CNTN4: variants seen among roughly 807,000 people sequenced by gnomAD.
CNTN4 encodes contactin-4.
Under a neutral mutation model 122.5 loss-of-function variants are expected in CNTN4, and 77 were observed. The ratio of observed to expected loss-of-function variants is 0.63; its 90% CI spans 0.52 to 0.76. The LOEUF (loss-of-function observed/expected upper bound fraction) is 0.76, where lower values mean the gene tolerates loss of function less well. Among genes scored for constraint, CNTN4 ranks in the 30% least tolerant of loss-of-function variants. The probability of loss-of-function intolerance (pLI) is 0.00; values close to 1 mark genes in which losing one functional copy is unlikely to be tolerated. For missense variants in CNTN4, 1,256 were observed against 1,259.1 expected, an observed-to-expected ratio of 1.00 and a Z score of 0.04; for synonymous variants, 512 against 447.0, an observed-to-expected ratio of 1.15 and a Z score of -1.83.
intron 3 of CNTN4, among the ~76,000 whole-genome samples, chr3:2,363,918 A>G (rs1358904300): frequency 6.6e-6 from 1 of 152,222 alleles, no homozygotes; most frequent in East Asian, 1.9e-4. Flanking sequence ...ATTTCCTACA[A>G]ATAGAAAATA....
rs561580877 is a variant in CNTN4, at chr3:2,649,818, C to T, written c.55+78260C>T. 2.0e-5 allele frequency among the ~76,000 whole-genome samples: 3 copies of T among 151,894 alleles called. No homozygotes were observed. The South Asian group carries it at 6.2e-4, about 32-fold the overall frequency. Reference sequence around the variant, plus strand: ...TTGAAACTCTTCTAGAAAGGATTCACCATCCCAGATGCCATTAAGAAAATT... The same window carrying T: ...TTGAAACTCTTCTAGAAAGGATTCATCATCCCAGATGCCATTAAGAAAATT... On this transcript the variant is annotated intron_variant, in intron 4 of 24. Coordinates refer to ENST00000418658, the MANE Select transcript of CNTN4 (RefSeq NM_175607.3).
At chr3:2,432,086 G>A (rs1473899730) in intron 3 of CNTN4, among the ~76,000 whole-genome samples, 1 of 152,188 alleles carries the variant, frequency 6.6e-6, no homozygotes, top group Non-Finnish European at 1.5e-5. Context: ...TAATATTGAA[G>A]CCAGAATATT....
At chr3:2,798,365 A>ATC (rs60905770) in intron 6 of CNTN4, among the ~76,000 whole-genome samples, 1 of 143,416 alleles carries the variant, frequency 7.0e-6, no homozygotes, top group African/African-American at 2.6e-5. Context: ...ATACACACAT[A>ATC]AATCTATCTA....
chr3:2,745,661 A>G lies in CNTN4; in HGVS notation c.322A>G (p.Thr108Ala), dbSNP rs761194725. 3.7e-6 allele frequency: 6 copies of G among 1,614,152 alleles called. No individual in the cohort carries two copies. In the East Asian group the frequency reaches 1.1e-4, roughly 30 times the overall value. Residue 108 changes from threonine (T) to alanine (A), a missense_variant, in exon 6 of 25, where the codon ACA (threonine) becomes GCA (alanine). Transcript: ENST00000418658. ...YQCTATNSFGTIVSREAKLQF... is the reference protein window; with the variant it reads ...YQCTATNSFGAIVSREAKLQF... ...GTGCACAGCGACAAACTCGTTTGGA[A>G]CAATTGTTAGCAGAGAAGCAAAGCT...
chr3:2,145,405 G>A (rs2035198129), intron 2 of CNTN4, among the ~76,000 whole-genome samples: 1 of 152,124 alleles, frequency 6.6e-6, no homozygotes, highest in Admixed American at 6.5e-5. Flanking sequence ...TCCACTCCCT[G>A]TGCTACCACT....
intron 2 of CNTN4, among the ~76,000 whole-genome samples, chr3:2,330,587 G>A (rs2043677221): frequency 7.4e-6 from 1 of 135,746 alleles, no homozygotes; most frequent in African/African-American, 2.7e-5. Flanking sequence ...GAGGAAAAGA[G>A]GGTCAGTATC....
intron 14 of CNTN4, among the ~76,000 whole-genome samples, chr3:3,019,322 T>A (rs1438414082): frequency 6.6e-6 from 1 of 152,160 alleles, no homozygotes; most frequent in African/African-American, 2.4e-5. Flanking sequence ...TTATTCTTTT[T>A]CAGACAGAGT....
chr3:2,167,995 C>G (rs1277888563), intron 2 of CNTN4, among the ~76,000 whole-genome samples: 1 of 152,096 alleles, frequency 6.6e-6, no homozygotes, highest in Non-Finnish European at 1.5e-5. Context: ...AAAACATTAG[C>G]TGGGCATGGT....
At chr3:2,338,745 A>G (rs1268092285) in intron 2 of CNTN4, among the ~76,000 whole-genome samples, 1 of 152,136 alleles carries the variant, frequency 6.6e-6, no homozygotes, top group Non-Finnish European at 1.5e-5. Context: ...TGTTTTTGTT[A>G]GGTACCCTCA....
chr3:2,597,948 T>C (rs1289801258), intron 4 of CNTN4, among the ~76,000 whole-genome samples: 2 of 152,208 alleles, frequency 1.3e-5, no homozygotes, highest in East Asian at 1.9e-4. Context: ...TATTTTTCCT[T>C]ACCTAATGAA....
At chr3:2,101,425 A>T (rs754255241) in intron 2 of CNTN4, among the ~76,000 whole-genome samples, 1 of 152,250 alleles carries the variant, frequency 6.6e-6, no homozygotes, top group African/African-American at 2.4e-5. Context: ...GAGGACAGAC[A>T]TAATATGCAT....
At chr3:2,521,551 T>G (rs2077220541) in intron 3 of CNTN4, among the ~76,000 whole-genome samples, 1 of 152,060 alleles carries the variant, frequency 6.6e-6, no homozygotes, top group Non-Finnish European at 1.5e-5. Flanking sequence ...TTGAACAAGT[T>G]TTACAACTGC....
intron 3 of CNTN4, among the ~76,000 whole-genome samples, chr3:2,366,055 C>T (rs1334792506): frequency 6.6e-6 from 1 of 152,150 alleles, no homozygotes. Flanking sequence ...CCATACCCAA[C>T]ATGGCAACTC....
At chr3:2,600,717 G>T (rs1350105684) in intron 4 of CNTN4, among the ~76,000 whole-genome samples, 1 of 152,182 alleles carries the variant, frequency 6.6e-6, no homozygotes, top group Non-Finnish European at 1.5e-5. Context: ...TATATACCCA[G>T]TAATGGGATG....
chr3:2,191,963 A>G (rs1342980570), intron 2 of CNTN4, among the ~76,000 whole-genome samples: 4 of 151,048 alleles, frequency 2.6e-5, no homozygotes, highest in African/African-American at 9.8e-5. Flanking sequence ...CCCACCTATG[A>G]GTGAGAACAT....
chr3:2,121,162 C>T (rs2727906), intron 2 of CNTN4, among the ~76,000 whole-genome samples: 31,981 of 151,154 alleles, frequency 0.21, 3,915 homozygotes, highest in East Asian at 0.55. Flanking sequence ...CTCTTTGTTC[C>T]TTCCTCCCTC....
chr3:2,686,251 C>A (rs1409723934), intron 4 of CNTN4, among the ~76,000 whole-genome samples: 2 of 152,114 alleles, frequency 1.3e-5, no homozygotes, highest in Middle Eastern at 3.2e-3. Context: ...GCCCTTCTAG[C>A]AATATTTAAC....
chr3:2,465,352 T>C (rs963414010), intron 3 of CNTN4, among the ~76,000 whole-genome samples: 55 of 152,078 alleles, frequency 3.6e-4, no homozygotes, highest in Admixed American at 2.2e-3. Context: ...ATCTGAAAAA[T>C]GTGAGTGATG....
chr3:2,346,335 A>G (rs2044396809), intron 3 of CNTN4, among the ~76,000 whole-genome samples: 1 of 152,022 alleles, frequency 6.6e-6, no homozygotes, highest in African/African-American at 2.4e-5. Flanking sequence ...GTTCCAAGTT[A>G]TTTTCTATGC....
Sources: gnomAD v4.1 joint callset for allele counts (sites outside exome capture counted in the v4.1 genomes callset) on GRCh38, gnomAD v4.1.1 for gene constraint, MANE v1.5 for transcripts, NCBI Gene and HGNC (gene_info 2026-07-23, HGNC 2026-07-21) for gene names.